DGKI: variants seen among roughly 807,000 people sequenced by gnomAD.
DGKI encodes the protein DAG kinase iota.
In DGKI, 55 loss-of-function variants were observed where a neutral mutation model predicts 147.5. The observed-to-expected ratio is 0.37, with a 90% CI of 0.30 to 0.47. The LOEUF is 0.47. DGKI is among the 20% of genes least tolerant of loss of function. DGKI has a pLI of 1.00. For missense variants in DGKI, 1,007 were observed against 1,323.8 expected, an observed-to-expected ratio of 0.76 and a Z score of 3.71; for synonymous variants, 469 against 477.1, an observed-to-expected ratio of 0.98 and a Z score of 0.22.
chr7:137,428,901 G>T (rs1055952483), intron 28 of DGKI, among the ~76,000 whole-genome samples: 2 of 152,168 alleles, frequency 1.3e-5, no homozygotes, highest in East Asian at 1.9e-4. Flanking sequence ...TGAAATAAAA[G>T]AGGACACAAA....
intron 28 of DGKI, among the ~76,000 whole-genome samples, chr7:137,417,366 A>G (rs1198675177): frequency 1.3e-5 from 2 of 152,224 alleles, no homozygotes; most frequent in African/African-American, 4.8e-5. Context: ...TAGAAGTTGA[A>G]TCATTACTTC....
intron 1 of DGKI, among the ~76,000 whole-genome samples, chr7:137,770,185 A>G (rs1796141049): frequency 6.6e-6 from 1 of 152,248 alleles, no homozygotes; most frequent in Admixed American, 6.5e-5. Context: ...ATGAAGCTGG[A>G]AGCCATCATT....
intron 31 of DGKI, 29 bp from the exon 32 acceptor site, chr7:137,395,726 C>A: frequency 6.2e-7 from 1 of 1,606,142 alleles, no homozygotes; most frequent in Non-Finnish European, 8.5e-7. Flanking sequence ...GGGAAACCAC[C>A]CATAAAGGGG....
intron 1 of DGKI, among the ~76,000 whole-genome samples, chr7:137,774,081 C>T (rs1796290018): frequency 6.6e-6 from 1 of 152,224 alleles, no homozygotes; most frequent in South Asian, 2.1e-4. Flanking sequence ...TTTTCAGTCA[C>T]TTACACTTAC....
At position 137,635,506 on chromosome 7, in the gene DGKI, A is replaced by G. The variant is rs547530746; in HGVS notation, c.804+9966T>C. Among the ~76,000 whole-genome samples the G allele has an allele frequency of 3.3e-5, 5 of 152,228 alleles. No homozygotes were observed. The South Asian group carries it at 1.0e-3, about 32-fold the overall frequency. On this transcript the variant is annotated intron_variant, in intron 6 of 32. Coordinates refer to ENST00000614521, the MANE Select transcript of DGKI (RefSeq NM_001321708.2). ...GCACCACTATGCAAGGGCTTACGAA[A>G]TGTGTGACCCACGAACATAGGATCC...
chr7:137,704,736 G>C (rs1001835327), intron 1 of DGKI, among the ~76,000 whole-genome samples: 15 of 152,232 alleles, frequency 9.9e-5, no homozygotes, highest in Middle Eastern at 3.4e-3. Context: ...AATGTCAAAA[G>C]TAAAAGATAA....
chr7:137,395,524 TG>T, intron 32 of DGKI, 73 bp downstream of exon 32: 1 of 1,398,732 alleles, frequency 7.1e-7, no homozygotes, highest in Non-Finnish European at 1.0e-6. Context: ...GTCCGTGCTA[TG>T]GTCACAAGCA....
intron 1 of DGKI, among the ~76,000 whole-genome samples, chr7:137,803,454 T>C (rs1169952705): frequency 6.6e-6 from 1 of 152,226 alleles, no homozygotes; most frequent in Non-Finnish European, 1.5e-5. Flanking sequence ...TCCTATCCAC[T>C]GATTTCACAT....
chr7:137,434,623 T>C (rs4728414), intron 28 of DGKI, among the ~76,000 whole-genome samples: 64,721 of 151,722 alleles, frequency 0.43, 14,389 homozygotes, highest in East Asian at 0.75. Context: ...TCCCTCATCT[T>C]CTCCAGCCAC....
At chr7:137,441,256 T>C (rs916796966) in intron 28 of DGKI, among the ~76,000 whole-genome samples, 9 of 151,116 alleles carry the variant, frequency 6.0e-5, no homozygotes, top group African/African-American at 1.7e-4. Flanking sequence ...CCGTCTCTAC[T>C]AAAAAATACA....
chr7:137,625,743 TAA>T (rs11302496), intron 6 of DGKI, among the ~76,000 whole-genome samples: 1,538 of 128,866 alleles, frequency 0.012, 18 homozygotes, highest in South Asian at 0.037. Flanking sequence ...ATATTAAAAT[TAA>T]AAAAAAAAAA....
At position 137,846,750 on chromosome 7, in the gene DGKI, C is replaced by A. The variant is rs1798751273; in HGVS notation, c.113G>T (p.Ser38Ile). The change falls in exon 1 of 33, where the codon AGC (serine) becomes ATC (isoleucine). Residue 38 changes from serine (S) to isoleucine (I), a missense_variant. Ser to Ile is a moderately radical substitution (Grantham distance 142). Around this residue, in one of 5 missense-constraint regions of DGKI, gnomAD observed 137 missense variants for 114.4 expected, o/e 1.20. Transcript: ENST00000614521. The surrounding 1 kb of genome is among the most constrained non-coding windows in gnomAD (Gnocchi z 4.0). ...AAAASPPGPC[S>I]GAACAPSAAA... ...CGCGGAGGGAGCGCAGGCGGCGCCG[C>A]TGCAGGGGCCGGGCGGGCTGGCGGC... The A allele has an allele frequency of 2.0e-6, 2 of 1,017,122 alleles. No individual in the cohort carries two copies. The highest frequency in any genetic ancestry group is 2.3e-6 in the Non-Finnish European group (2 of 853,272). 63.0% of individuals were successfully genotyped at this position (1,017,122 alleles called of 1,614,324 possible).
chr7:137,729,900 C>T (rs1794821807), intron 1 of DGKI, among the ~76,000 whole-genome samples: 1 of 152,098 alleles, frequency 6.6e-6, no homozygotes, highest in South Asian at 2.1e-4. Context: ...GAGGATTCAT[C>T]TTGCTCGTTG....
At chr7:137,467,572 A>G (rs1814707779) in intron 24 of DGKI, among the ~76,000 whole-genome samples, 1 of 152,224 alleles carries the variant, frequency 6.6e-6, no homozygotes, top group South Asian at 2.1e-4. Context: ...GCATCCTTAG[A>G]GTCATGTCTG....
intron 1 of DGKI, among the ~76,000 whole-genome samples, chr7:137,776,609 A>C (rs1236193425): frequency 6.6e-6 from 1 of 152,200 alleles, no homozygotes; most frequent in Non-Finnish European, 1.5e-5. Context: ...TATCTGAGGA[A>C]GGTGTACTTA....
chr7:137,638,605 TATATATACACACAC>T lies in DGKI; in HGVS notation c.804+6853_804+6866del, dbSNP rs1821480832. On this transcript the variant is annotated intron_variant, in intron 6 of 32. Transcript: ENST00000614521. ...ATATACACATATATACATATATGTATATATATACACACACACATATATATGTGTGTATATATGTG... is the reference window on the plus strand; with the variant it reads ...ATATACACATATATACATATATGTATACATATATATGTGTGTATATATGTG... 3.5e-4 allele frequency among the ~76,000 whole-genome samples: 5 copies of T among 14,268 alleles called. 1 individual carries two copies. The highest frequency in any genetic ancestry group is 2.6e-3 in the African/African-American group (4 of 1,562). 9.4% of individuals were successfully genotyped at this position (14,268 alleles called of 152,430 possible).
intron 21 of DGKI, among the ~76,000 whole-genome samples, chr7:137,497,435 A>G (rs1226620986): frequency 6.6e-6 from 1 of 152,106 alleles, no homozygotes; most frequent in Admixed American, 6.6e-5. Flanking sequence ...CAATCTCACT[A>G]TTGGGTATAT....
rs577495910 is a variant in DGKI at position 137,787,427 on chromosome 7, C to T, written c.401+59035G>A. Among the ~76,000 whole-genome samples, 9 of 152,276 alleles carry T rather than the reference C, an allele frequency of 5.9e-5. No homozygotes were observed. In the East Asian group the frequency reaches 7.7e-4, roughly 13 times the overall value. ...AAAATTGCATTTTGATACGACCTTACTCCTGCAAGAATGCCCATAAGCAAA... is the reference window on the plus strand; with the variant it reads ...AAAATTGCATTTTGATACGACCTTATTCCTGCAAGAATGCCCATAAGCAAA... On this transcript the variant is annotated intron_variant, in intron 1 of 32. Transcript: ENST00000614521.
In DGKI at chr7:137,691,593, C is replaced by T. The variant is rs926111453; in HGVS notation, c.402-1591G>A. Among the ~76,000 whole-genome samples the T allele has an allele frequency of 9.2e-5, 14 of 152,254 alleles. 1 individual carries two copies. The highest frequency in any genetic ancestry group is 3.4e-3 in the Middle Eastern group (1 of 294). On this transcript the variant is annotated intron_variant, in intron 1 of 32. Transcript: ENST00000614521. ...AACAGAATTTAAAAGCTTTCTTGAA[C>T]CCTGAAGGGCAGGTAATCTTTTCAT...
Sources: allele counts gnomAD v4.1 joint callset (sites outside exome capture counted in the v4.1 genomes callset), GRCh38; gene constraint gnomAD v4.1.1; regional missense constraint gnomAD v4.1.1; non-coding constraint Gnocchi (gnomAD v3.1); transcripts MANE v1.5; gene names NCBI Gene and HGNC (gene_info 2026-07-23, HGNC 2026-07-21).